The following LIMCH1 variants were observed in gnomAD, a reference collection of about 807,000 sequenced individuals.
LIMCH1 encodes the protein LIM and calponin homology domains-containing protein 1.
A neutral mutation model predicts 176.5 loss-of-function variants in LIMCH1; 113 were observed. That is an observed-to-expected ratio of 0.64 (90% CI 0.55 to 0.75). The LOEUF is 0.75. Ranked by LOEUF, LIMCH1 falls within the 30% of genes least tolerant of loss-of-function variation. The probability of loss-of-function intolerance (pLI) is 0.00; values close to 1 mark genes in which losing one functional copy is unlikely to be tolerated. For synonymous variants in LIMCH1, 619 were observed against 645.9 expected (o/e 0.96, Z 0.63); for missense variants, 1,674 against 1,814.9 (o/e 0.92, Z 1.41).
At chr4:41,441,412 A>G (rs2062688533) in intron 1 of LIMCH1, among the ~76,000 whole-genome samples, 1 of 152,190 alleles carries the variant, frequency 6.6e-6, no homozygotes, top group Admixed American at 6.5e-5. Context: ...AGAAAGGCTT[A>G]AAAACTTAGG....
At chr4:41,403,617 A>G (rs555518570) in intron 1 of LIMCH1, among the ~76,000 whole-genome samples, 20 of 152,258 alleles carry the variant, frequency 1.3e-4, no homozygotes, top group Admixed American at 2.0e-4. Context: ...TAAGAGACCC[A>G]TCAGTGTTTT....
At chr4:41,391,027 C>T (rs1262773667) in intron 1 of LIMCH1, among the ~76,000 whole-genome samples, 14 of 151,928 alleles carry the variant, frequency 9.2e-5, no homozygotes, top group Admixed American at 5.9e-4. Context: ...TTGCCACACA[C>T]TTTTTTTTCT....
intron 2 of LIMCH1, among the ~76,000 whole-genome samples, chr4:41,522,896 G>A (rs1228889353): frequency 6.6e-6 from 1 of 152,100 alleles, no homozygotes; most frequent in Non-Finnish European, 1.5e-5. Flanking sequence ...TAAATTTATG[G>A]TTAAAAAATA....
At chr4:41,577,839 G>T (rs1379897920) in intron 1 of LIMCH1, among the ~76,000 whole-genome samples, 1 of 152,154 alleles carries the variant, frequency 6.6e-6, no homozygotes, top group Non-Finnish European at 1.5e-5. Context: ...ACCAACGTAA[G>T]TATATACCAT....
intron 2 of LIMCH1, among the ~76,000 whole-genome samples, chr4:41,511,871 T>TA (rs754606450): frequency 5.9e-5 from 9 of 152,188 alleles, no homozygotes; most frequent in Non-Finnish European, 1.3e-4. Context: ...AATCATTTTT[T>TA]ATATATAACA....
chr4:41,390,468 G>T (rs1245432956), intron 1 of LIMCH1, among the ~76,000 whole-genome samples: 3 of 152,090 alleles, frequency 2.0e-5, no homozygotes, highest in Non-Finnish European at 4.4e-5. Context: ...TGTTACCAAG[G>T]GATGCATTAT....
At chr4:41,475,705 G>T (rs1014943509) in intron 1 of LIMCH1, among the ~76,000 whole-genome samples, 2 of 151,940 alleles carry the variant, frequency 1.3e-5, no homozygotes, top group African/African-American at 4.8e-5. Context: ...ACACCCTGGG[G>T]CCTGTTGGAG....
intron 29 of LIMCH1, among the ~76,000 whole-genome samples, chr4:41,689,168 G>A (rs1006699008): frequency 1.8e-4 from 27 of 152,242 alleles, no homozygotes; most frequent in Non-Finnish European, 2.8e-4. Context: ...CCAGGAAAGC[G>A]AAACTCAGTT....
At chr4:41,444,449 T>G (rs1234483109) in intron 1 of LIMCH1, among the ~76,000 whole-genome samples, 1 of 151,964 alleles carries the variant, frequency 6.6e-6, no homozygotes, top group African/African-American at 2.4e-5. Context: ...AAATCTATAT[T>G]AATATATGAG....
intron 1 of LIMCH1, among the ~76,000 whole-genome samples, chr4:41,388,089 G>A (rs539749905): frequency 6.6e-6 from 1 of 152,312 alleles, no homozygotes; most frequent in East Asian, 1.9e-4. Flanking sequence ...CAGCCTGGGC[G>A]AAAGAGCAAG....
chr4:41,533,207 T>C (rs563678725), upstream of LIMCH1, among the ~76,000 whole-genome samples: 6 of 152,324 alleles, frequency 3.9e-5, no homozygotes, highest in South Asian at 1.0e-3. Flanking sequence ...ACAAGTGAGA[T>C]GGAAGTCACA....
At chr4:41,462,784 G>A (rs1277877031) in intron 1 of LIMCH1, among the ~76,000 whole-genome samples, 1 of 152,150 alleles carries the variant, frequency 6.6e-6, no homozygotes, top group African/African-American at 2.4e-5. Flanking sequence ...AAGAGGAAAA[G>A]TCTGTTTGGC....
At chr4:41,478,295 C>T (rs562601759) in intron 1 of LIMCH1, among the ~76,000 whole-genome samples, 3 of 127,080 alleles carry the variant, frequency 2.4e-5, no homozygotes. Context: ...TCAATGATCA[C>T]TCCTTCCCTC....
intron 7 of LIMCH1, among the ~76,000 whole-genome samples, chr4:41,623,571 A>G (rs1166319221): frequency 2.0e-5 from 3 of 152,302 alleles, no homozygotes; most frequent in Admixed American, 6.5e-5. Context: ...CAGCCTGGCC[A>G]ACATAGTGAA....
chr4:41,392,899 G>A (rs1158781481), intron 1 of LIMCH1, among the ~76,000 whole-genome samples: 1 of 152,104 alleles, frequency 6.6e-6, no homozygotes, highest in Non-Finnish European at 1.5e-5. Flanking sequence ...TGGCATGGTG[G>A]TGCATGCCTA....
Position 41,574,401 on chromosome 4 carries a change from C to G in LIMCH1, c.-240-24519C>G, listed in dbSNP as rs1467373107. Among the ~76,000 whole-genome samples the G allele has an allele frequency of 2.6e-5, 4 of 151,476 alleles. 1 individual carries two copies. The East Asian group carries it at 7.8e-4, about 30-fold the overall frequency. ...CTCCACCTCCCGGGTTCAAGTGATT[C>G]TCCAGCCTCAGCCTCCTAAGTAGCT... On this transcript the variant is annotated intron_variant, in intron 1 of 31. Transcript: ENST00000503057.
Position 41,627,023 on chromosome 4 carries a change from T to G in LIMCH1, c.1028+13T>G, listed in dbSNP as rs1038677780. Reference sequence around the variant, plus strand: ...TAGAATATAAAAGGTGTGCATGGTGTGTGTGTGTGTGTGTGTGTGTGTGTG... The same window carrying G: ...TAGAATATAAAAGGTGTGCATGGTGGGTGTGTGTGTGTGTGTGTGTGTGTG... On this transcript the variant is annotated intron_variant, in intron 8 of 31. Coordinates refer to ENST00000503057, the MANE Select transcript of LIMCH1 (RefSeq NM_001330672.2). The G allele has an allele frequency of 1.6e-6, 2 of 1,220,190 alleles. No homozygotes were observed. The highest frequency in any genetic ancestry group is 1.9e-5 in the African/African-American group (1 of 52,102). The allele number at this position is 1,220,190 out of a possible 1,614,324, so 75.6% of individuals were successfully genotyped here.
chr4:41,505,817 A>G (rs1278139553), intron 2 of LIMCH1, among the ~76,000 whole-genome samples: 1 of 152,152 alleles, frequency 6.6e-6, no homozygotes, highest in Non-Finnish European at 1.5e-5. Context: ...CTTGGTGAAT[A>G]GATTGAGACC....
At chr4:41,396,932 C>T (rs141459021) in intron 1 of LIMCH1, among the ~76,000 whole-genome samples, 104 of 152,106 alleles carry the variant, frequency 6.8e-4, no homozygotes, top group African/African-American at 2.5e-3. Context: ...AGTCAGCAAG[C>T]TCTGAGAAGA....
Sources: allele counts gnomAD v4.1 joint callset (sites outside exome capture counted in the v4.1 genomes callset), GRCh38; gene constraint gnomAD v4.1.1; transcripts MANE v1.5; gene names NCBI Gene and HGNC (gene_info 2026-07-23, HGNC 2026-07-21).